ATP1A3: variants seen among roughly 807,000 people sequenced by gnomAD.
The protein encoded by ATP1A3 is sodium/potassium-transporting ATPase subunit alpha-3.
Under a neutral mutation model 108.8 loss-of-function variants are expected in ATP1A3, and 12 were observed. The ratio of observed to expected loss-of-function variants is 0.11; its 90% CI spans 0.07 to 0.18. The LOEUF is 0.18. ATP1A3 is among the 10% of genes least tolerant of loss of function. The pLI is 1.00. For synonymous variants in ATP1A3, 539 were observed against 564.5 expected (o/e 0.95, Z 0.64); for missense variants, 498 against 1,387.7 (o/e 0.36, Z 10.19).
In ATP1A3 at chr19:41,966,924, G is replaced by T. The variant is rs781878302; in HGVS notation, c.*13C>A. On this transcript the variant is annotated 3_prime_UTR_variant, in exon 23 of 23. Transcript: ENST00000648268. ...GGGACGGGGAAGAGATGGGCGATGT[G>T]GTGGGGCTGAGGTCAGTAGTAGGTT... The T allele has an allele frequency of 3.5e-5, 54 of 1,551,256 alleles. No homozygotes were observed. The East Asian group carries it at 1.3e-3, about 37-fold the overall frequency.
chr19:41,973,716 C>G (rs2075136833), intron 16 of ATP1A3, among the ~76,000 whole-genome samples: 1 of 152,248 alleles, frequency 6.6e-6, no homozygotes, highest in Non-Finnish European at 1.5e-5. Flanking sequence ...TTAAGGCTGT[C>G]TCTCCAGCCC....
chr19:41,969,139 G>C (rs1476893615), intron 19 of ATP1A3, among the ~76,000 whole-genome samples: 1 of 152,206 alleles, frequency 6.6e-6, no homozygotes, highest in East Asian at 1.9e-4. Flanking sequence ...CAGGGGCCAG[G>C]GAGGAGGATA....
At chr19:41,970,918 C>T (rs980203135) in intron 16 of ATP1A3, among the ~76,000 whole-genome samples, 7 of 151,850 alleles carry the variant, frequency 4.6e-5, no homozygotes, top group Non-Finnish European at 1.0e-4. Flanking sequence ...AGGCGTGAGC[C>T]ACCGCGCCCG....
At position 41,978,558 on chromosome 19, in the gene ATP1A3, C is replaced by G. The variant is rs782235696; in HGVS notation, c.1630+48G>C. Reference sequence around the variant, plus strand: ...AGACAGGCTTTGGGCAGCATCACAACCCTCCTTGCCCTCCAGGGACCCCAG... The same window carrying G: ...AGACAGGCTTTGGGCAGCATCACAAGCCTCCTTGCCCTCCAGGGACCCCAG... On this transcript the variant is annotated intron_variant, in intron 12 of 22. Transcript: ENST00000648268. The surrounding 1 kb of genome is among the most constrained non-coding windows in gnomAD (Gnocchi z 8.3). The G allele has an allele frequency of 3.1e-6, 5 of 1,607,014 alleles. No homozygotes were observed. The highest frequency in any genetic ancestry group is 4.2e-6 in the Non-Finnish European group (5 of 1,179,092).
At position 41,967,582 on chromosome 19, in the gene ATP1A3, C is replaced by T. The variant is rs2075057575; in HGVS notation, c.2921+80G>A. On this transcript the variant is annotated intron_variant, in intron 21 of 22. Transcript: ENST00000648268. The surrounding 1 kb of genome is among the most constrained non-coding windows in gnomAD (Gnocchi z 4.2). ...GTGGGGACACCAGGGGAGGTGGGGC[C>T]TGAGGTTCAGGCTGAGTCTAAGGGA... 1 of 1,477,316 alleles carries T rather than the reference C, an allele frequency of 6.8e-7. No individual in the cohort carries two copies. Among genetic ancestry groups the T allele is most frequent in the African/African-American group, 1.4e-5 (1 of 71,976 alleles). 91.5% of individuals were successfully genotyped at this position (1,477,316 alleles called of 1,614,324 possible).
Position 41,968,716 on chromosome 19 carries a change from G to A in ATP1A3, c.2819+69C>T. 6.2e-7 allele frequency: 1 copy of A among 1,606,958 alleles called. No individual in the cohort carries two copies. The highest frequency in any genetic ancestry group is 8.5e-7 in the Non-Finnish European group (1 of 1,175,520). On this transcript the variant is annotated intron_variant, in intron 20 of 22. Coordinates refer to ENST00000648268, the MANE Select transcript of ATP1A3 (RefSeq NM_152296.5). The surrounding 1 kb of genome is among the most constrained non-coding windows in gnomAD (Gnocchi z 5.0). ...AACCAAAGCAAGGACACAAGAGGAA[G>A]TACACAGACAGACAGACACTCGGAC...
chr19:41,971,748 G>A (rs1266253798), intron 16 of ATP1A3, among the ~76,000 whole-genome samples: 5 of 152,164 alleles, frequency 3.3e-5, no homozygotes, highest in Admixed American at 2.6e-4. Flanking sequence ...TAGACTGGAA[G>A]AGAGCAGACA....
At chr19:41,976,794 A>T (rs1432232274) in intron 14 of ATP1A3, among the ~76,000 whole-genome samples, 1 of 151,568 alleles carries the variant, frequency 6.6e-6, no homozygotes, top group Non-Finnish European at 1.5e-5. Flanking sequence ...TTATTTATTT[A>T]TTTATTTATT....
rs782303940 is a variant in ATP1A3 at position 41,988,728 on chromosome 19, G to A, written c.7-166C>T. 5.8e-5 allele frequency: 82 copies of A among 1,404,936 alleles called. No homozygotes were observed. The Middle Eastern group carries it at 9.9e-4, about 17-fold the overall frequency. The allele number at this position is 1,404,936 out of a possible 1,614,324, so 87.0% of individuals were successfully genotyped here. On this transcript the variant is annotated intron_variant, in intron 1 of 22. Coordinates refer to ENST00000648268, the MANE Select transcript of ATP1A3 (RefSeq NM_152296.5). This position sits in a 1 kb window ranked among gnomAD's most constrained non-coding sequence, Gnocchi z 5.3. ...CTCTCGGGGTCTCCCTGTGTCTCCCGGAGCCTCTGGGTGACTTCACCTCCC... is the reference window on the plus strand; with the variant it reads ...CTCTCGGGGTCTCCCTGTGTCTCCCAGAGCCTCTGGGTGACTTCACCTCCC...
Position 41,988,693 on chromosome 19 carries a change from C to A in ATP1A3, c.7-131G>T. ...GCCCCTGCATCTCTGGGTGGGGGGT[C>A]TCTGTCTGCCTCTCGGGGTCTCCCT... On this transcript the variant is annotated intron_variant, in intron 1 of 22. Transcript: ENST00000648268. This position sits in a 1 kb window ranked among gnomAD's most constrained non-coding sequence, Gnocchi z 5.3. The A allele has an allele frequency of 6.4e-7, 1 of 1,557,108 alleles. No homozygotes were observed. The highest frequency in any genetic ancestry group is 8.7e-7 in the Non-Finnish European group (1 of 1,154,982).
At chr19:41,972,856 AGG>A (rs1555860222) in intron 16 of ATP1A3, among the ~76,000 whole-genome samples, 1 of 128,790 alleles carries the variant, frequency 7.8e-6, no homozygotes, top group Non-Finnish European at 1.6e-5. Context: ...GAAGGAAGGA[AGG>A]AAAGAAGGAA....
Position 41,967,419 on chromosome 19 carries a change from G to C in ATP1A3, c.2922-79C>G, listed in dbSNP as rs895316772. 1.1e-5 allele frequency: 16 copies of C among 1,482,282 alleles called. No homozygotes were observed. The African/African-American group carries it at 1.7e-4, about 15-fold the overall frequency. The allele number at this position is 1,482,282 out of a possible 1,614,324, so 91.8% of individuals were successfully genotyped here. A position where few individuals can be genotyped will look rare whatever the true frequency, so the allele number is the denominator to read the frequency against. On this transcript the variant is annotated intron_variant, in intron 21 of 22. Coordinates refer to ENST00000648268, the MANE Select transcript of ATP1A3 (RefSeq NM_152296.5). The surrounding 1 kb of genome is among the most constrained non-coding windows in gnomAD (Gnocchi z 4.2). The stretch of plus-strand genomic sequence containing the variant: ...GTTTCAGGGGACTGGAGGGGACGCA[G>C]AGGGGCAGTCTCCCAGGATCCTTCG...
Position 41,988,666 on chromosome 19 carries a change from G to A in ATP1A3, c.7-104C>T. ...CATGCCCCAGCTATCCTCCTGGCCG[G>A]TGCCCCTGCATCTCTGGGTGGGGGG... On this transcript the variant is annotated intron_variant, in intron 1 of 22. Coordinates refer to ENST00000648268, the MANE Select transcript of ATP1A3 (RefSeq NM_152296.5). This position sits in a 1 kb window ranked among gnomAD's most constrained non-coding sequence, Gnocchi z 5.3. The A allele has an allele frequency of 6.2e-7, 1 of 1,601,884 alleles. No individual in the cohort carries two copies. Among genetic ancestry groups the A allele is most frequent in the Non-Finnish European group, 8.5e-7 (1 of 1,175,804 alleles).
In ATP1A3 at chr19:41,994,130, G is replaced by A. The variant is rs1568870638; in HGVS notation, c.-54C>T. 6.5e-6 allele frequency: 10 copies of A among 1,532,734 alleles called. No homozygotes were observed. Among genetic ancestry groups the A allele is most frequent in the Non-Finnish European group, 8.8e-6 (10 of 1,141,368 alleles). The allele number at this position is 1,532,734 out of a possible 1,614,324, so 94.9% of individuals were successfully genotyped here. A position where few individuals can be genotyped will look rare whatever the true frequency, so the allele number is the denominator to read the frequency against. On this transcript the variant is annotated 5_prime_UTR_variant, in exon 1 of 23. Coordinates refer to ENST00000648268, the MANE Select transcript of ATP1A3 (RefSeq NM_152296.5). ...GCGGGCGGGGCGGGGACCTCGGGGC[G>A]GGCTCAGGCTCAGGCTTGGGCTGGG...
Position 41,967,312 on chromosome 19 carries a change from A to G in ATP1A3, c.2950T>C (p.Tyr984His). ...KPSWWFCAFP[Y>H]SFLIFVYDEI... ...TCGTAGACGAAGATGAGGAAACTGT[A>G]GGGGAAGGCACAGAACCACCAGCTG... The change falls in exon 22 of 23, where the codon TAC (tyrosine) becomes CAC (histidine). Residue 984 changes from tyrosine to histidine, a missense_variant. Coordinates refer to ENST00000648268, the MANE Select transcript of ATP1A3 (RefSeq NM_152296.5). The surrounding 1 kb of genome is among the most constrained non-coding windows in gnomAD (Gnocchi z 4.2). 1 of 1,611,430 alleles carries G rather than the reference A, an allele frequency of 6.2e-7. No individual in the cohort carries two copies. The highest frequency in any genetic ancestry group is 8.5e-7 in the Non-Finnish European group (1 of 1,179,990).
At position 41,970,300 on chromosome 19, in the gene ATP1A3, G is replaced by C; in HGVS notation, c.2427C>G (p.Ala809=). ...CIDLGTDMVP[A]ISLAYEAAES... ...CGGCAGCCTCGTACGCCAGTGAGATGGCAGGGACCTAGGCGGAGGAGGCCG... is the reference window on the plus strand; with the variant it reads ...CGGCAGCCTCGTACGCCAGTGAGATCGCAGGGACCTAGGCGGAGGAGGCCG... The change falls in exon 18 of 23, where the codon GCC becomes GCG. Residue 809 remains alanine (A), a synonymous_variant. Coordinates refer to ENST00000648268, the MANE Select transcript of ATP1A3 (RefSeq NM_152296.5). The C allele has an allele frequency of 6.2e-7, 1 of 1,614,096 alleles. No individual in the cohort carries two copies. Among genetic ancestry groups the C allele is most frequent in the Non-Finnish European group, 8.5e-7 (1 of 1,180,026 alleles).
In ATP1A3 at chr19:41,967,440, C is replaced by T; in HGVS notation, c.2922-100G>A. 1 of 1,398,180 alleles carries T rather than the reference C, an allele frequency of 7.2e-7. No individual in the cohort carries two copies. Among genetic ancestry groups the T allele is most frequent in the Non-Finnish European group, 9.8e-7 (1 of 1,020,392 alleles). The allele number at this position is 1,398,180 out of a possible 1,614,324, so 86.6% of individuals were successfully genotyped here. A position where few individuals can be genotyped will look rare whatever the true frequency, so the allele number is the denominator to read the frequency against. ...CGCAGAGGGGCAGTCTCCCAGGATC[C>T]TTCGTGCTCACAGGTGGAGGGTGCC... On this transcript the variant is annotated intron_variant, in intron 21 of 22. Coordinates refer to ENST00000648268, the MANE Select transcript of ATP1A3 (RefSeq NM_152296.5). This position sits in a 1 kb window ranked among gnomAD's most constrained non-coding sequence, Gnocchi z 4.2.
chr19:41,984,584 T>C (rs1476351538), intron 8 of ATP1A3: 5 of 307,620 alleles, frequency 1.6e-5, no homozygotes, highest in Non-Finnish European at 2.5e-5. Flanking sequence ...CGTGCACTTC[T>C]TAATTTTGCA....
intron 16 of ATP1A3, among the ~76,000 whole-genome samples, chr19:41,974,103 C>A (rs903547468): frequency 6.6e-6 from 1 of 152,098 alleles, no homozygotes. Context: ...TGGTGGCATG[C>A]ACCTGTAATT....
Sources: allele counts gnomAD v4.1 joint callset (sites outside exome capture counted in the v4.1 genomes callset), GRCh38; gene constraint gnomAD v4.1.1; non-coding constraint Gnocchi (gnomAD v3.1); transcripts MANE v1.5; gene names NCBI Gene and HGNC (gene_info 2026-07-23, HGNC 2026-07-21).